The following KSR2 variants were observed in gnomAD, a reference collection of about 807,000 sequenced individuals.
KSR2 encodes the protein kinase suppressor of ras 2.
A neutral mutation model predicts 107.8 loss-of-function variants in KSR2; 25 were observed. That is an observed-to-expected ratio of 0.23 (90% confidence interval 0.17 to 0.32). The LOEUF (loss-of-function observed/expected upper bound fraction) is 0.32. KSR2 is among the 10% of genes least tolerant of loss of function. KSR2 has a pLI of 1.00. For missense variants in KSR2, 887 were observed against 1,268.9 expected, an observed-to-expected ratio of 0.70 and a Z score of 4.57; for synonymous variants, 480 against 507.0, an observed-to-expected ratio of 0.95 and a Z score of 0.71.
In KSR2 at chr12:117,535,923, T is replaced by A. The variant is rs139625607; in HGVS notation, c.1687+3796A>T. 4.3e-3 allele frequency among the ~76,000 whole-genome samples: 658 copies of A among 152,126 alleles called. 3 individuals are homozygous for A. Among genetic ancestry groups the A allele is most frequent in the Middle Eastern group, 6.8e-3 (2 of 292 alleles). On this transcript the variant is annotated intron_variant, in intron 10 of 19. Transcript: ENST00000339824. ...AAGCTGGGATCCAACTCCAGGTCTG[T>A]CTGTCCATGCAGCACTCTTGATGTC...
chr12:117,923,289 G>A (rs899972448), intron 1 of KSR2, among the ~76,000 whole-genome samples: 4 of 152,112 alleles, frequency 2.6e-5, no homozygotes, highest in Admixed American at 6.5e-5. Flanking sequence ...TAAAATGATC[G>A]GTTGGTAAAT....
At chr12:117,923,518 A>T (rs1593372167) in intron 1 of KSR2, among the ~76,000 whole-genome samples, 1 of 152,146 alleles carries the variant, frequency 6.6e-6, no homozygotes, top group East Asian at 1.9e-4. Flanking sequence ...TTAAAAAATT[A>T]GCCAGACATG....
Position 117,555,193 on chromosome 12 carries a change from G to A in KSR2, c.1494C>T (p.Leu498=), listed in dbSNP as rs1242033158. 1.9e-6 allele frequency: 3 copies of A among 1,613,964 alleles called. No homozygotes were observed. The highest frequency in any genetic ancestry group is 2.5e-6 in the Non-Finnish European group (3 of 1,179,878). The part of the protein sequence containing the change: ...RYSDLHISQT[L]PKTNKINKDH... The stretch of plus-strand genomic sequence containing the variant: ...CCTTGTTGATTTTGTTGGTTTTGGG[G>A]AGCGTCTGACTGATGTGCAGGTCTG... Residue 498 remains leucine (L), a synonymous_variant, in exon 9 of 20, where the codon CTC becomes CTT. Coordinates refer to ENST00000339824, the MANE Select transcript of KSR2 (RefSeq NM_173598.6).
chr12:117,518,703 T>G (rs2134142), intron 14 of KSR2, among the ~76,000 whole-genome samples: 66,018 of 152,080 alleles, frequency 0.43, 14,455 homozygotes, highest in South Asian at 0.59. Context: ...ATTCAAAGCC[T>G]TGCAATTATC....
intron 14 of KSR2, chr12:117,517,627 T>C: frequency 1.1e-5 from 4 of 349,612 alleles, no homozygotes; most frequent in Non-Finnish European, 2.2e-5. Flanking sequence ...AATGATGCTG[T>C]ACATTTATAG....
intron 5 of KSR2, among the ~76,000 whole-genome samples, chr12:117,661,504 A>C (rs1353715282): frequency 6.6e-6 from 1 of 152,234 alleles, no homozygotes; most frequent in African/African-American, 2.4e-5. Flanking sequence ...GAATCTAAGT[A>C]AAGAGGGACC....
intron 1 of KSR2, among the ~76,000 whole-genome samples, chr12:117,962,212 A>C (rs11616110): frequency 0.39 from 58,580 of 148,632 alleles, 11,746 homozygotes; most frequent in East Asian, 0.48. Flanking sequence ...TACTTGTTCA[A>C]CCTCAACTCC....
At chr12:117,582,757 G>C (rs977984226) in intron 5 of KSR2, among the ~76,000 whole-genome samples, 4 of 152,202 alleles carry the variant, frequency 2.6e-5, no homozygotes, top group African/African-American at 9.6e-5. Flanking sequence ...GAGAGGGGAA[G>C]TCACTTGCTC....
intron 14 of KSR2, among the ~76,000 whole-genome samples, chr12:117,497,052 AT>A (rs1312941790): frequency 1.3e-5 from 2 of 151,510 alleles, no homozygotes; most frequent in African/African-American, 4.9e-5. Context: ...TAATTTTTAT[AT>A]TTTTAGTGGA....
In KSR2 at chr12:117,455,728, G is replaced by A. The variant is rs977832689; in HGVS notation, c.*11471C>T. On this transcript the variant is annotated 3_prime_UTR_variant, in exon 20 of 20. Coordinates refer to ENST00000339824, the MANE Select transcript of KSR2 (RefSeq NM_173598.6). ...TGCTGAGGGTGTAGTGAATGGGGCT[G>A]GGGACATGAGCCTTTGAAATACAAG... 4 of 152,246 alleles carry A rather than the reference G, an allele frequency of 2.6e-5. No individual in the cohort carries two copies. The highest frequency in any genetic ancestry group is 5.9e-5 in the Non-Finnish European group (4 of 68,056). 9.4% of individuals were successfully genotyped at this position (152,246 alleles called of 1,614,324 possible).
intron 1 of KSR2, among the ~76,000 whole-genome samples, chr12:117,909,272 C>T (rs967570823): frequency 1.3e-5 from 2 of 152,166 alleles, no homozygotes; most frequent in Admixed American, 1.3e-4. Flanking sequence ...CTTCACTACC[C>T]CACTGTTGTA....
intron 3 of KSR2, among the ~76,000 whole-genome samples, chr12:117,850,682 C>T (rs376839592): frequency 5.6e-4 from 85 of 152,102 alleles, no homozygotes; most frequent in African/African-American, 1.8e-3. Flanking sequence ...TGGTGGCACA[C>T]GCCTGTAGTC....
intron 3 of KSR2, among the ~76,000 whole-genome samples, chr12:117,800,380 GC>G (rs780651596): frequency 1.3e-5 from 2 of 151,546 alleles, no homozygotes; most frequent in East Asian, 3.9e-4. Context: ...TAATTATTCT[GC>G]CCCCCCCAAA....
chr12:117,903,049 G>C (rs937021729), intron 1 of KSR2, among the ~76,000 whole-genome samples: 2 of 152,184 alleles, frequency 1.3e-5, no homozygotes, highest in African/African-American at 4.8e-5. Context: ...AACACAGCAA[G>C]GCCCCTACAA....
At chr12:117,506,425 T>C (rs1051362785) in intron 14 of KSR2, among the ~76,000 whole-genome samples, 7 of 152,226 alleles carry the variant, frequency 4.6e-5, no homozygotes, top group Non-Finnish European at 8.8e-5. Context: ...CAAACATTGA[T>C]ATATTTTTTT....
At chr12:117,775,125 G>A (rs1031533762) in intron 3 of KSR2, among the ~76,000 whole-genome samples, 7 of 152,150 alleles carry the variant, frequency 4.6e-5, no homozygotes, top group Non-Finnish European at 8.8e-5. Context: ...ATTTGTGTAC[G>A]AGTATTTGTT....
At chr12:117,796,927 C>T (rs1001071482) in intron 3 of KSR2, among the ~76,000 whole-genome samples, 2 of 152,188 alleles carry the variant, frequency 1.3e-5, no homozygotes, top group African/African-American at 4.8e-5. Context: ...CCCCTGATCA[C>T]TCATTTAACA....
intron 1 of KSR2, among the ~76,000 whole-genome samples, chr12:117,961,756 G>C (rs1430473547): frequency 6.6e-6 from 1 of 152,072 alleles, no homozygotes; most frequent in Non-Finnish European, 1.5e-5. Context: ...ATAACAAATT[G>C]TTGTCTTAAG....
chr12:117,554,325 C>T (rs761418695), intron 9 of KSR2, among the ~76,000 whole-genome samples: 1 of 152,150 alleles, frequency 6.6e-6, no homozygotes, highest in Non-Finnish European at 1.5e-5. Context: ...AACCAAATTG[C>T]CTGTTGCTCA....
Sources: allele counts gnomAD v4.1 joint callset (sites outside exome capture counted in the v4.1 genomes callset), GRCh38; gene constraint gnomAD v4.1.1; transcripts MANE v1.5; gene names NCBI Gene and HGNC (gene_info 2026-07-23, HGNC 2026-07-21).